The following STK3 variants were observed in gnomAD, a reference collection of about 807,000 sequenced individuals.
STK3 encodes the protein serine/threonine-protein kinase 3.
Under a neutral mutation model 58.0 loss-of-function variants are expected in STK3, and 41 were observed. That is an observed-to-expected ratio of 0.71 (90% CI 0.55 to 0.92). The LOEUF is 0.92. Ranked by LOEUF, STK3 falls within the 40% of genes least tolerant of loss-of-function variation. STK3 has a pLI of 0.00. For missense variants in STK3, 479 were observed against 602.7 expected (o/e 0.79, Z 2.15); for synonymous variants, 170 against 191.0 (o/e 0.89, Z 0.91).
intron 10 of STK3, among the ~76,000 whole-genome samples, chr8:98,500,782 G>A (rs1276010870): frequency 1.3e-5 from 2 of 152,150 alleles, no homozygotes; most frequent in Non-Finnish European, 2.9e-5. Flanking sequence ...GTGTATACGT[G>A]CCACATCTTT....
At chr8:98,368,486 G>T (rs1047233670), downstream of STK3, among the ~76,000 whole-genome samples, 1 of 152,152 alleles carries the variant, frequency 6.6e-6, no homozygotes, top group African/African-American at 2.4e-5. Context: ...CCCGTTCCTT[G>T]ACATGCTAAC....
chr8:98,893,421 GGAAA>G (rs1230218579), intron 1 of STK3, among the ~76,000 whole-genome samples: 1,363 of 60,166 alleles, frequency 0.023, 55 homozygotes, highest in Non-Finnish European at 0.033. Flanking sequence ...AAGGAAGGAA[GGAAA>G]GAAAGAAAGA....
chr8:98,698,620 T>C (rs1469738003), intron 6 of STK3, among the ~76,000 whole-genome samples: 1 of 152,252 alleles, frequency 6.6e-6, no homozygotes, highest in Non-Finnish European at 1.5e-5. Context: ...CCTTCACTTA[T>C]GAAGCTTAGT....
chr8:98,677,865 G>A (rs1054441831), intron 6 of STK3, among the ~76,000 whole-genome samples: 4 of 152,130 alleles, frequency 2.6e-5, no homozygotes, highest in Non-Finnish European at 5.9e-5. Context: ...CAGCACAAGA[G>A]GTTGCAGAAG....
chr8:98,731,055 A>G (rs945957974), intron 4 of STK3, among the ~76,000 whole-genome samples: 1 of 152,208 alleles, frequency 6.6e-6, no homozygotes, highest in Non-Finnish European at 1.5e-5. Context: ...ACGACAGGAG[A>G]TTATCAAATT....
chr8:98,522,176 A>T (rs1012281293), intron 10 of STK3, among the ~76,000 whole-genome samples: 1 of 152,200 alleles, frequency 6.6e-6, no homozygotes, highest in Non-Finnish European at 1.5e-5. Flanking sequence ...CACAAAACTA[A>T]AATGAGTCTA....
At chr8:98,732,734 A>AG (rs1828304372) in intron 4 of STK3, among the ~76,000 whole-genome samples, 1 of 152,208 alleles carries the variant, frequency 6.6e-6, no homozygotes, top group South Asian at 2.1e-4. Flanking sequence ...CAAAGCAATA[A>AG]GTCCACATTA....
chr8:98,765,579 G>A (rs1315576997), intron 3 of STK3, among the ~76,000 whole-genome samples: 2 of 152,142 alleles, frequency 1.3e-5, no homozygotes, highest in Non-Finnish European at 2.9e-5. Flanking sequence ...TAAGACTGAA[G>A]TTGAAGGTTT....
At chr8:98,735,688 C>T (rs1242067250) in intron 4 of STK3, among the ~76,000 whole-genome samples, 5 of 152,054 alleles carry the variant, frequency 3.3e-5, no homozygotes, top group Non-Finnish European at 7.4e-5. Context: ...CATTAATTAC[C>T]ACAATTCGTT....
chr8:98,758,357 T>C (rs896055177), intron 3 of STK3, among the ~76,000 whole-genome samples: 9 of 152,146 alleles, frequency 5.9e-5, no homozygotes, highest in Admixed American at 3.9e-4. Context: ...AAAAGAAAAC[T>C]TCAGACCAAT....
chr8:98,366,961 G>C (rs7001549), downstream of STK3, among the ~76,000 whole-genome samples: 2 of 152,058 alleles, frequency 1.3e-5, no homozygotes, highest in African/African-American at 4.8e-5. Flanking sequence ...TTGCCAATCC[G>C]GACATCAAGG....
chr8:98,695,610 T>C (rs531658378), intron 6 of STK3, among the ~76,000 whole-genome samples: 1 of 152,364 alleles, frequency 6.6e-6, no homozygotes, highest in Admixed American at 6.5e-5. Flanking sequence ...GGGAATCCTT[T>C]CCCCATTGCT....
downstream of STK3, among the ~76,000 whole-genome samples, chr8:98,453,479 A>G (rs77101914): frequency 2.3e-3 from 349 of 152,328 alleles, 1 homozygote; most frequent in African/African-American, 8.1e-3. Flanking sequence ...AAAATTTAAA[A>G]GTAGGTCATC....
rs183703282 is a variant in STK3, at chr8:98,897,904, C to G, written c.-78-14070G>C. ...ATGATCACCACACCATATCAAAACA[C>G]GAGACAGCCCCTTACAGCTTGAATA... On this transcript the variant is annotated intron_variant, in intron 1 of 1. Coordinates refer to the STK3 transcript ENST00000519420. Among the ~76,000 whole-genome samples, 9 of 152,302 alleles carry G rather than the reference C, an allele frequency of 5.9e-5. No individual in the cohort carries two copies. The South Asian group carries it at 1.9e-3, about 32-fold the overall frequency.
intron 6 of STK3, chr8:98,598,601 G>A (rs1816030998): frequency 2.0e-6 from 2 of 985,172 alleles, no homozygotes; most frequent in Non-Finnish European, 2.4e-6. Context: ...GAATCTCTAG[G>A]TTTTATATGA....
At chr8:98,431,929 A>AT (rs1249414117) in intron 3 of STK3, 5 of 167,122 alleles carry the variant, frequency 3.0e-5, no homozygotes, top group African/African-American at 1.2e-4. Flanking sequence ...TCCCAATAGC[A>AT]TTGAGTTTTT....
At chr8:98,369,466 G>A (rs1362344333), downstream of STK3, among the ~76,000 whole-genome samples, 26 of 152,132 alleles carry the variant, frequency 1.7e-4, no homozygotes, top group Non-Finnish European at 1.5e-5. Flanking sequence ...GGAGGTGAGT[G>A]TGAAGGCTGG....
the STK3 span, among the ~76,000 whole-genome samples, chr8:98,354,532 GCCTCAGGCT>G: frequency 6.6e-6 from 1 of 152,188 alleles, no homozygotes; most frequent in African/African-American, 2.4e-5. Context: ...TGCTGTGCTG[GCCTCAGGCT>G]ACCTACCTCT....
At chr8:98,390,388 T>A (rs538915199), upstream of STK3, among the ~76,000 whole-genome samples, 1 of 152,192 alleles carries the variant, frequency 6.6e-6, no homozygotes, top group Non-Finnish European at 1.5e-5. Context: ...TGATGAGAAG[T>A]CCTCAAGCAT....
Sources: allele counts gnomAD v4.1 joint callset (sites outside exome capture counted in the v4.1 genomes callset), GRCh38; gene constraint gnomAD v4.1.1; transcripts MANE v1.5; gene names NCBI Gene and HGNC (gene_info 2026-07-23, HGNC 2026-07-21).